Variants in ADAMTS12 observed in about 807,000 individuals in gnomAD.
ADAMTS12 encodes ADAM metallopeptidase with thrombospondin type 1 motif 12, also known as A disintegrin and metalloproteinase with thrombospondin motifs 12.
Under a neutral mutation model 167.8 loss-of-function variants are expected in ADAMTS12, and 118 were observed. The ratio of observed to expected loss-of-function variants is 0.70; its 90% CI spans 0.61 to 0.82. The LOEUF is 0.82. Ranked by LOEUF, ADAMTS12 falls within the 40% of genes least tolerant of loss-of-function variation. ADAMTS12 has a pLI of 0.00. For synonymous variants in ADAMTS12, 704 were observed against 716.9 expected, an observed-to-expected ratio of 0.98 and a Z score of 0.29; for missense variants, 1,916 against 1,998.8, an observed-to-expected ratio of 0.96 and a Z score of 0.79.
chr5:33,811,996 T>C (rs904609065), intron 2 of ADAMTS12, among the ~76,000 whole-genome samples: 5 of 152,072 alleles, frequency 3.3e-5, no homozygotes, highest in Admixed American at 2.0e-4. Context: ...ACTCAAAGAT[T>C]TGTCAGCAGC....
Position 33,525,814 on chromosome 5 carries a change from C to G in ADAMTS12, c.*1374G>C, listed in dbSNP as rs995836656. On this transcript the variant is annotated 3_prime_UTR_variant, in exon 24 of 24. Coordinates refer to ENST00000504830, the MANE Select transcript of ADAMTS12 (RefSeq NM_030955.4). ...TCTTCTTTCATTTGAAGCTTATGCC[C>G]CTCCACCCACCCACTTACCCTCTTT... 2 of 152,162 alleles carry G rather than the reference C, an allele frequency of 1.3e-5. No individual in the cohort carries two copies. Among genetic ancestry groups the G allele is most frequent in the Non-Finnish European group, 2.9e-5 (2 of 68,040 alleles). The allele number at this position is 152,162 out of a possible 1,614,324, so 9.4% of individuals were successfully genotyped here.
At chr5:33,583,507 C>G (rs1446394032) in intron 18 of ADAMTS12, among the ~76,000 whole-genome samples, 1 of 152,060 alleles carries the variant, frequency 6.6e-6, no homozygotes. Context: ...TGGTATATAC[C>G]CAGCAGTGGG....
chr5:33,800,570 A>AC (rs1293011066), intron 2 of ADAMTS12, among the ~76,000 whole-genome samples: 1 of 152,188 alleles, frequency 6.6e-6, no homozygotes, highest in East Asian at 1.9e-4. Flanking sequence ...GAAATAAACA[A>AC]CCTGAGTGGT....
intron 12 of ADAMTS12, among the ~76,000 whole-genome samples, chr5:33,635,206 AG>A (rs1740133099): frequency 6.6e-6 from 1 of 152,188 alleles, no homozygotes; most frequent in East Asian, 1.9e-4. Flanking sequence ...CTGGTTCTCA[AG>A]GGCAAGATAT....
intron 3 of ADAMTS12, among the ~76,000 whole-genome samples, chr5:33,725,576 A>G (rs4377712): frequency 0.6 from 91,211 of 152,094 alleles, 28,291 homozygotes; most frequent in Non-Finnish European, 0.66. Flanking sequence ...AAACCATGAG[A>G]AAGCACCCAA....
chr5:33,815,046 T>G (rs767388748), intron 2 of ADAMTS12, among the ~76,000 whole-genome samples: 3 of 152,052 alleles, frequency 2.0e-5, no homozygotes, highest in Non-Finnish European at 4.4e-5. Context: ...TCAAGGAGGG[T>G]TGTTGTTGTT....
intron 2 of ADAMTS12, among the ~76,000 whole-genome samples, chr5:33,843,614 G>A (rs953096732): frequency 6.6e-6 from 1 of 152,204 alleles, no homozygotes; most frequent in Non-Finnish European, 1.5e-5. Flanking sequence ...ATAAAAGGGA[G>A]AAAACCAGAA....
At chr5:33,866,428 C>T (rs994942360) in intron 2 of ADAMTS12, among the ~76,000 whole-genome samples, 5 of 152,098 alleles carry the variant, frequency 3.3e-5, no homozygotes, top group African/African-American at 1.2e-4. Context: ...CCATCTCTCA[C>T]CTTATACAAA....
intron 16 of ADAMTS12, among the ~76,000 whole-genome samples, chr5:33,598,436 T>C (rs937116034): frequency 1.3e-5 from 2 of 152,242 alleles, no homozygotes; most frequent in Non-Finnish European, 2.9e-5. Context: ...AATCCAAGCG[T>C]CCTGAGTTCT....
intron 23 of ADAMTS12, 40 bp from the exon 24 acceptor site, chr5:33,527,406 T>C: frequency 6.3e-7 from 1 of 1,593,582 alleles, no homozygotes; most frequent in Non-Finnish European, 8.6e-7. Flanking sequence ...AGTCCAAAGA[T>C]TATCCTTTGT....
At chr5:33,588,980 T>C (rs926768583) in intron 17 of ADAMTS12, among the ~76,000 whole-genome samples, 171 bp from the exon 18 acceptor site, 7 of 152,200 alleles carry the variant, frequency 4.6e-5, no homozygotes, top group Admixed American at 1.3e-4. Flanking sequence ...TCTTCAATCA[T>C]AGCTCCGTAG....
intron 2 of ADAMTS12, among the ~76,000 whole-genome samples, chr5:33,838,425 G>A (rs1156774165): frequency 6.6e-6 from 1 of 152,230 alleles, no homozygotes; most frequent in Non-Finnish European, 1.5e-5. Context: ...GCTCACACCT[G>A]TAATCCCAGC....
intron 2 of ADAMTS12, among the ~76,000 whole-genome samples, chr5:33,812,003 C>A (rs1284181221): frequency 6.6e-6 from 1 of 152,138 alleles, no homozygotes; most frequent in Non-Finnish European, 1.5e-5. Flanking sequence ...GATTTGTCAG[C>A]AGCTTGGTGT....
At chr5:33,819,655 G>A (rs1457807212) in intron 2 of ADAMTS12, among the ~76,000 whole-genome samples, 2 of 152,012 alleles carry the variant, frequency 1.3e-5, no homozygotes, top group Non-Finnish European at 2.9e-5. Context: ...CATAGGAATT[G>A]TGTTAAGTCT....
At chr5:33,857,192 A>G (rs1276377040) in intron 2 of ADAMTS12, among the ~76,000 whole-genome samples, 1 of 152,208 alleles carries the variant, frequency 6.6e-6, no homozygotes, top group Admixed American at 6.5e-5. Context: ...GATCTCACTT[A>G]TATGTGGAAC....
At chr5:33,560,947 C>A in intron 20 of ADAMTS12, 80 bp downstream of exon 20, 2 of 1,489,538 alleles carry the variant, frequency 1.3e-6, no homozygotes, top group Non-Finnish European at 1.8e-6. Flanking sequence ...ACGACTTTAG[C>A]AAGTGTTTAT....
At position 33,549,508 on chromosome 5, in the gene ADAMTS12, A is replaced by G. The variant is rs1026830171; in HGVS notation, c.4126-125T>C. The stretch of plus-strand genomic sequence containing the variant: ...GAGGGGTTAGGTCTAGTTCCGGTGA[A>G]CCCTGCTTTCCCTCCCACACCACAG... On this transcript the variant is annotated intron_variant, in intron 20 of 23. Coordinates refer to ENST00000504830, the MANE Select transcript of ADAMTS12 (RefSeq NM_030955.4). 8.5e-6 allele frequency: 10 copies of G among 1,178,648 alleles called. No homozygotes were observed. The East Asian group carries it at 1.7e-4, about 20-fold the overall frequency. The allele number at this position is 1,178,648 out of a possible 1,614,324, so 73.0% of individuals were successfully genotyped here.
intron 7 of ADAMTS12, among the ~76,000 whole-genome samples, chr5:33,655,608 T>A (rs1579804641): frequency 5.1e-5 from 1 of 19,478 alleles, no homozygotes. Flanking sequence ...GGGGTTGACT[T>A]TTTTTTTTTT....
intron 2 of ADAMTS12, among the ~76,000 whole-genome samples, chr5:33,862,036 G>C (rs999817045): frequency 1.3e-5 from 2 of 152,168 alleles, no homozygotes; most frequent in African/African-American, 2.4e-5. Flanking sequence ...GCAGTGTTTA[G>C]AGGGAAATAT....
Sources: allele counts gnomAD v4.1 joint callset (sites outside exome capture counted in the v4.1 genomes callset), GRCh38; gene constraint gnomAD v4.1.1; transcripts MANE v1.5; gene names NCBI Gene and HGNC (gene_info 2026-07-23, HGNC 2026-07-21).